Variants in AFF4 observed in about 807,000 individuals in gnomAD.
AFF4 encodes ALF transcription elongation factor 4, also known as AF4/FMR2 family member 4.
A neutral mutation model predicts 124.8 loss-of-function variants in AFF4; 13 were observed. The ratio of observed to expected loss-of-function variants is 0.10; its 90% CI spans 0.07 to 0.17. The LOEUF (loss-of-function observed/expected upper bound fraction) is 0.17, where lower values mean the gene tolerates loss of function less well. AFF4 is among the 10% of genes least tolerant of loss of function. AFF4 has a pLI of 1.00. For missense variants in AFF4, 1,092 were observed against 1,403.8 expected (o/e 0.78, Z 3.55); for synonymous variants, 477 against 496.1 (o/e 0.96, Z 0.51).
chr5:132,957,211 C>T (rs1241287303), intron 1 of AFF4, among the ~76,000 whole-genome samples: 2 of 150,838 alleles, frequency 1.3e-5, no homozygotes, highest in African/African-American at 2.4e-5. Flanking sequence ...TATGGTGGCT[C>T]GTGCCTGTAG....
At chr5:132,909,738 A>C (rs1460194560) in intron 5 of AFF4, among the ~76,000 whole-genome samples, 1 of 152,236 alleles carries the variant, frequency 6.6e-6, no homozygotes, top group Non-Finnish European at 1.5e-5. Flanking sequence ...TCACAGTTCC[A>C]GACATTTCTG....
At position 132,892,281 on chromosome 5, in the gene AFF4, G is replaced by C; in HGVS notation, c.2520C>G (p.Ser840=). The C allele has an allele frequency of 6.2e-7, 1 of 1,614,052 alleles. No individual in the cohort carries two copies. ...TGTTGCTGTTACTGCTTGACTTTAA[G>C]GAAGAAGACTGACTAATAGTCCTCT... The part of the protein sequence containing the change: ...SRKRTISQSS[S]LKSSSNSNKE... The change falls in exon 13 of 21, where the codon TCC becomes TCG. Residue 840 remains serine (S), a synonymous_variant. Coordinates refer to ENST00000265343, the MANE Select transcript of AFF4 (RefSeq NM_014423.4).
In AFF4 at chr5:132,897,224, G is replaced by A. The variant is rs781044362; in HGVS notation, c.1406C>T (p.Thr469Ile). 1.2e-6 allele frequency: 2 copies of A among 1,612,710 alleles called. No homozygotes were observed. The highest frequency in any genetic ancestry group is 1.7e-6 in the Non-Finnish European group (2 of 1,178,882). The change falls in exon 11 of 21, where the codon ACA becomes ATA. Residue 469 changes from threonine (T) to isoleucine (I), a missense_variant. Thr to Ile is a moderately conservative substitution (Grantham distance 89, BLOSUM62 -1). Around this residue, in one of 11 missense-constraint regions of AFF4, gnomAD observed 18 missense variants for 16.7 expected, o/e 1.08. Transcript: ENST00000265343. ...SASPEPEPPP[T>I]NKWQLDNWLN... ...CCAATTATCAAGTTGCCATTTGTTT[G>A]TTGGCGGGGGTTCAGGCTGAAAAAC...
At position 132,881,097 on chromosome 5, in the gene AFF4, G is replaced by C; in HGVS notation, c.3454C>G (p.Leu1152Val). The C allele has an allele frequency of 1.2e-6, 2 of 1,614,174 alleles. No homozygotes were observed. Among genetic ancestry groups the C allele is most frequent in the Non-Finnish European group, 1.7e-6 (2 of 1,180,006 alleles). Reference sequence around the variant, plus strand: ...TTGGCATCCTGGCGAAGCCAGTGCAGTCCCTGCCGGGTATAACGAACTAGA... The same window carrying C: ...TTGGCATCCTGGCGAAGCCAGTGCACTCCCTGCCGGGTATAACGAACTAGA... Reference protein sequence around the residue: ...TDLVRYTRQGLHWLRQDAKLI... With the variant: ...TDLVRYTRQGVHWLRQDAKLI... Residue 1152 changes from leucine (L) to valine (V), a missense_variant, in exon 21 of 21, where the codon CTG becomes GTG. Around this residue, in one of 11 missense-constraint regions of AFF4, gnomAD observed 173 missense variants for 294.9 expected, o/e 0.59. Coordinates refer to ENST00000265343, the MANE Select transcript of AFF4 (RefSeq NM_014423.4).
At chr5:132,959,196 G>A (rs1413907131) in intron 1 of AFF4, among the ~76,000 whole-genome samples, 1 of 150,644 alleles carries the variant, frequency 6.6e-6, no homozygotes, top group East Asian at 1.9e-4. Context: ...TGCGATCTCA[G>A]CTCACTGCAA....
At chr5:132,911,332 T>C (rs771024626) in intron 5 of AFF4, among the ~76,000 whole-genome samples, 2 of 152,164 alleles carry the variant, frequency 1.3e-5, no homozygotes, top group African/African-American at 4.8e-5. Flanking sequence ...AAAGAACAAG[T>C]TGTCAAATCT....
chr5:132,896,189 G>T, intron 11 of AFF4, 134 bp downstream of exon 11: 2 of 1,019,102 alleles, frequency 2.0e-6, no homozygotes, highest in Non-Finnish European at 2.8e-6. Context: ...ATGTAGCCTC[G>T]CCTGGGCCTT....
Position 132,887,535 on chromosome 5 carries a change from T to C in AFF4, c.2991A>G (p.Arg997=). The C allele has an allele frequency of 6.2e-7, 1 of 1,613,898 alleles. No individual in the cohort carries two copies. Among genetic ancestry groups the C allele is most frequent in the Non-Finnish European group, 8.5e-7 (1 of 1,179,822 alleles). ...LAPDATAADK[R]LTVLCLRCES... ...AGAAAACTCACCAAAGTACTGTGAG[T>C]CGTTTATCTGCAGCTGTAGCATCTG... The change falls in exon 17 of 21, where the codon CGA becomes CGG. Residue 997 remains arginine, a synonymous_variant. Coordinates refer to ENST00000265343, the MANE Select transcript of AFF4 (RefSeq NM_014423.4).
At chr5:132,901,294 A>G (rs1760545546) in intron 7 of AFF4, among the ~76,000 whole-genome samples, 1 of 152,214 alleles carries the variant, frequency 6.6e-6, no homozygotes, top group African/African-American at 2.4e-5. Flanking sequence ...AGGTATATAT[A>G]TGGTAAGACC....
intron 5 of AFF4, 94 bp from the exon 6 acceptor site, chr5:132,904,498 TGAAAAAGCACA>T: frequency 9.3e-7 from 1 of 1,080,560 alleles, no homozygotes; most frequent in African/African-American, 1.6e-5. Flanking sequence ...TTCAAGTACT[TGAAAAAGCACA>T]GAAAGAATGT....
intron 5 of AFF4, among the ~76,000 whole-genome samples, chr5:132,916,636 C>G (rs1390775570): frequency 6.6e-6 from 1 of 152,040 alleles, no homozygotes; most frequent in Non-Finnish European, 1.5e-5. Flanking sequence ...TTGAGGTTTC[C>G]TCTCATCTCT....
intron 1 of AFF4, among the ~76,000 whole-genome samples, chr5:132,938,675 G>A (rs950549641): frequency 6.6e-6 from 1 of 151,886 alleles, no homozygotes; most frequent in Non-Finnish European, 1.5e-5. Context: ...CGGCCTGAGC[G>A]GCTCACGCCT....
chr5:132,888,936 T>C, intron 14 of AFF4, 143 bp downstream of exon 14: 1 of 676,590 alleles, frequency 1.5e-6, no homozygotes, highest in East Asian at 2.8e-5. Context: ...GACCTCGTGA[T>C]CTGCCTGCCT....
At chr5:132,894,552 A>C (rs1448752642) in intron 11 of AFF4, among the ~76,000 whole-genome samples, 1 of 152,252 alleles carries the variant, frequency 6.6e-6, no homozygotes, top group Non-Finnish European at 1.5e-5. Context: ...AGACAAATGA[A>C]AACATGAGAA....
chr5:132,915,100 A>T (rs184572606), intron 5 of AFF4, among the ~76,000 whole-genome samples: 1 of 152,292 alleles, frequency 6.6e-6, no homozygotes, highest in East Asian at 1.9e-4. Context: ...GCACTTTGGG[A>T]GGCCGAGGCA....
chr5:132,959,648 A>C (rs1762036314), intron 1 of AFF4, among the ~76,000 whole-genome samples: 1 of 151,604 alleles, frequency 6.6e-6, no homozygotes, highest in Non-Finnish European at 1.5e-5. Context: ...ATGTGCCAAA[A>C]CTCAGTAACT....
chr5:132,941,627 T>C (rs1254887555), intron 1 of AFF4, among the ~76,000 whole-genome samples: 1 of 152,112 alleles, frequency 6.6e-6, no homozygotes. Flanking sequence ...TGAGCCACAG[T>C]GCCCAGCCAA....
At chr5:132,899,900 T>G (rs143799174) in intron 7 of AFF4, among the ~76,000 whole-genome samples, 3 of 152,300 alleles carry the variant, frequency 2.0e-5, no homozygotes, top group African/African-American at 7.2e-5. Context: ...AAAAGCTACT[T>G]TCTATAAACT....
Position 132,897,173 on chromosome 5 carries a change from A to T in AFF4, c.1457T>A (p.Val486Glu), listed in dbSNP as rs751472966. Residue 486 changes from valine (V) to glutamate (E), a missense_variant, in exon 11 of 21, where the codon GTG (valine) becomes GAG (glutamate). Coordinates refer to ENST00000265343, the MANE Select transcript of AFF4 (RefSeq NM_014423.4). ...NWLNKVNPHK[V>E]SPASSVDSNI... The stretch of plus-strand genomic sequence containing the variant: ...ACTGTCCACTGAAGAGGCGGGTGAC[A>T]CTTTATGTGGGTTCACTTTATTCAG... The T allele has an allele frequency of 6.8e-6, 11 of 1,614,016 alleles. No individual in the cohort carries two copies. The highest frequency in any genetic ancestry group is 8.5e-6 in the Non-Finnish European group (10 of 1,180,032).
Sources: allele counts gnomAD v4.1 joint callset (sites outside exome capture counted in the v4.1 genomes callset), GRCh38; gene constraint gnomAD v4.1.1; regional missense constraint gnomAD v4.1.1; transcripts MANE v1.5; gene names NCBI Gene and HGNC (gene_info 2026-07-23, HGNC 2026-07-21).